Variants in GALNS observed in about 807,000 individuals in gnomAD.
The protein encoded by GALNS is N-acetylgalactosamine-6-sulfatase.
Under a neutral mutation model 65.9 loss-of-function variants are expected in GALNS, and 65 were observed. That is an observed-to-expected ratio of 0.99 (90% confidence interval 0.81 to 1.21). The LOEUF (loss-of-function observed/expected upper bound fraction) is 1.21. Ranked by LOEUF, GALNS falls within the 50% of genes most tolerant of loss-of-function variation. GALNS has a pLI of 0.00. For synonymous variants in GALNS, 346 were observed against 288.9 expected, an observed-to-expected ratio of 1.20 and a Z score of -2.00; for missense variants, 776 against 700.7, an observed-to-expected ratio of 1.11 and a Z score of -1.21.
chr16:88,850,541 C>T (rs1329350001), intron 1 of GALNS, among the ~76,000 whole-genome samples: 2 of 152,082 alleles, frequency 1.3e-5, no homozygotes, highest in Non-Finnish European at 2.9e-5. Flanking sequence ...TCCACGCTCA[C>T]CACTGACTCA....
rs7187889 is a variant in GALNS, at chr16:88,836,235, G to A, written c.599C>T (p.Thr200Met). The change falls in exon 6 of 14, where the codon ACG becomes ATG. Residue 200 changes from threonine to methionine, a missense_variant. Physicochemically the swap from Thr to Met is moderately conservative, Grantham distance 81. Coordinates refer to ENST00000268695, the MANE Select transcript of GALNS (RefSeq NM_000512.5). ...YYEEFPINLK[T>M]GEANLTQIYL... ...GATCTGGGTGAGGTTGGCTTCCCCC[G>A]TCTTCAGATTAATAGGAAATTCTTC... 7.9e-3 allele frequency: 12,695 copies of A among 1,613,198 alleles called. 842 individuals carry two copies. The African/African-American group carries it at 0.15, about 19-fold the overall frequency.
chr16:88,846,406 G>A (rs999683232), intron 1 of GALNS, among the ~76,000 whole-genome samples: 4 of 152,056 alleles, frequency 2.6e-5, no homozygotes, highest in Non-Finnish European at 5.9e-5. Context: ...ACCAGAAGCT[G>A]CAGGGGCAAG....
intron 1 of GALNS, 29 bp from the exon 2 acceptor site, chr16:88,842,858 T>A (rs1379203880): frequency 5.6e-6 from 9 of 1,610,990 alleles, no homozygotes; most frequent in Non-Finnish European, 7.6e-6. Context: ...GGAGGAGGAA[T>A]GAGCGCCTTC....
intron 12 of GALNS, among the ~76,000 whole-genome samples, chr16:88,820,334 G>C (rs1910076383): frequency 6.6e-6 from 1 of 151,894 alleles, no homozygotes; most frequent in Non-Finnish European, 1.5e-5. Flanking sequence ...TCACCATGTA[G>C]GCCAGGCTGG....
At chr16:88,826,964 ACG>A (rs2142995981) in intron 9 of GALNS, 126 bp from the exon 10 acceptor site, 1 of 1,157,416 alleles carries the variant, frequency 8.6e-7, no homozygotes, top group Non-Finnish European at 1.3e-6. Context: ...ACATGCTCAC[ACG>A]CCCACAGCAG....
At chr16:88,821,273 C>A (rs969620919) in intron 12 of GALNS, among the ~76,000 whole-genome samples, 5 of 152,182 alleles carry the variant, frequency 3.3e-5, no homozygotes, top group African/African-American at 1.2e-4. Context: ...CCCAGGTGAG[C>A]CGAGGCTGGT....
At chr16:88,853,857 G>A (rs1322369874) in intron 1 of GALNS, among the ~76,000 whole-genome samples, 1 of 152,184 alleles carries the variant, frequency 6.6e-6, no homozygotes, top group Admixed American at 6.5e-5. Context: ...GGACAGGTGG[G>A]GGCTCTTGCC....
intron 12 of GALNS, among the ~76,000 whole-genome samples, chr16:88,821,848 G>A (rs993767188): frequency 6.6e-6 from 1 of 152,190 alleles, no homozygotes; most frequent in African/African-American, 2.4e-5. Flanking sequence ...GGACCAACTC[G>A]ATAGGGCAGG....
chr16:88,851,711 C>T (rs531061530), intron 1 of GALNS, among the ~76,000 whole-genome samples: 5 of 152,300 alleles, frequency 3.3e-5, no homozygotes, highest in Admixed American at 1.3e-4. Context: ...GATTATATCC[C>T]GGGCCTGGCT....
intron 1 of GALNS, chr16:88,856,286 G>A (rs1240246412): frequency 8.5e-6 from 6 of 702,872 alleles, no homozygotes; most frequent in Non-Finnish European, 1.6e-5. Flanking sequence ...GCGGCCCGAG[G>A]TGGCGGGAGT....
chr16:88,855,332 C>T lies in GALNS; in HGVS notation c.120+1426G>A, dbSNP rs995265301. 4 of 700,348 alleles carry T rather than the reference C, an allele frequency of 5.7e-6. No homozygotes were observed. The African/African-American group carries it at 7.0e-5, about 12-fold the overall frequency. 43.4% of individuals were successfully genotyped at this position (700,348 alleles called of 1,614,324 possible). Reference sequence around the variant, plus strand: ...AGCTATGCTGGCCCAGAAGGAGTTACACAATGAAAAGAAGAAATTCTGAAA... The same window carrying T: ...AGCTATGCTGGCCCAGAAGGAGTTATACAATGAAAAGAAGAAATTCTGAAA... On this transcript the variant is annotated intron_variant, in intron 1 of 13. Coordinates refer to ENST00000268695, the MANE Select transcript of GALNS (RefSeq NM_000512.5).
At chr16:88,825,336 TGTCTGGGGCTGGGGTGTCTGGGC>T (rs1910749478) in intron 10 of GALNS, among the ~76,000 whole-genome samples, 1 of 102,352 alleles carries the variant, frequency 9.8e-6, no homozygotes, top group Admixed American at 1.0e-4. Flanking sequence ...GGTGCCTGGG[TGTCTGGGGCTGGGGTGTCTGGGC>T]AACCGGGGCT....
chr16:88,839,834 C>A (rs1966885290), intron 4 of GALNS, among the ~76,000 whole-genome samples: 1 of 152,244 alleles, frequency 6.6e-6, no homozygotes, highest in African/African-American at 2.4e-5. Context: ...TAGCTCTGGC[C>A]ACCGGCACCA....
chr16:88,833,561 CTT>C (rs1437741750), intron 8 of GALNS, among the ~76,000 whole-genome samples: 1 of 151,524 alleles, frequency 6.6e-6, no homozygotes, highest in Non-Finnish European at 1.5e-5. Context: ...AAGTCATTCT[CTT>C]GACTTAGCCT....
intron 13 of GALNS, chr16:88,815,329 C>T (rs1300559076): frequency 1.0e-6 from 1 of 985,452 alleles, no homozygotes; most frequent in Non-Finnish European, 1.2e-6. Context: ...GAGGGCCCAC[C>T]CTGAGCTTCT....
At chr16:88,816,715 C>T (rs1909666202) in intron 13 of GALNS, 1 of 985,348 alleles carries the variant, frequency 1.0e-6, no homozygotes, top group African/African-American at 1.7e-5. Context: ...TTCAGAGCCA[C>T]CACCTTCCTT....
intron 1 of GALNS, among the ~76,000 whole-genome samples, chr16:88,854,423 C>G (rs1386518543): frequency 6.6e-6 from 1 of 152,246 alleles, no homozygotes; most frequent in African/African-American, 2.4e-5. Context: ...CACCTGCCAG[C>G]ATCCCTGCCC....
chr16:88,852,499 C>T (rs866529203), intron 1 of GALNS, among the ~76,000 whole-genome samples: 1 of 152,198 alleles, frequency 6.6e-6, no homozygotes, highest in Non-Finnish European at 1.5e-5. Context: ...CGCAGCTCCT[C>T]GCCAGCAAGG....
intron 11 of GALNS, among the ~76,000 whole-genome samples, 159 bp from the exon 12 acceptor site, chr16:88,822,869 T>C (rs1910392786): frequency 1.3e-5 from 2 of 152,138 alleles, no homozygotes; most frequent in African/African-American, 4.8e-5. Flanking sequence ...GGGTCTCGTC[T>C]GCCTGTGCCT....
Sources: allele counts gnomAD v4.1 joint callset (sites outside exome capture counted in the v4.1 genomes callset), GRCh38; gene constraint gnomAD v4.1.1; transcripts MANE v1.5; gene names NCBI Gene and HGNC (gene_info 2026-07-23, HGNC 2026-07-21).